ANKRD62: variants seen among roughly 807,000 people sequenced by gnomAD.
The protein encoded by ANKRD62 is ankyrin repeat domain-containing protein 62.
In ANKRD62, 61 loss-of-function variants were observed where a neutral mutation model predicts 98.8. The ratio of observed to expected loss-of-function variants is 0.62; its 90% confidence interval spans 0.50 to 0.76. The LOEUF (loss-of-function observed/expected upper bound fraction) is 0.76, where lower values mean the gene tolerates loss of function less well. Ranked by LOEUF, ANKRD62 falls within the 30% of genes least tolerant of loss-of-function variation. The probability of loss-of-function intolerance (pLI) is 0.00; values close to 1 mark genes in which losing one functional copy is unlikely to be tolerated. For missense variants in ANKRD62, 933 were observed against 1,082.9 expected (o/e 0.86, Z 1.94); for synonymous variants, 341 against 367.9 (o/e 0.93, Z 0.84).
chr18:12,103,847 C>T (rs891546719), intron 7 of ANKRD62, among the ~76,000 whole-genome samples: 2 of 152,042 alleles, frequency 1.3e-5, no homozygotes, highest in Non-Finnish European at 2.9e-5. Context: ...TTTTTAAAAT[C>T]AACTGTCATT....
intron 5 of ANKRD62, among the ~76,000 whole-genome samples, 168 bp from the exon 6 acceptor site, chr18:12,099,444 TTTC>T: frequency 6.6e-6 from 1 of 152,308 alleles, no homozygotes; most frequent in African/African-American, 2.4e-5. Flanking sequence ...TTCATACTTT[TTTC>T]TTCTTTAATT....
the ANKRD62 span, among the ~76,000 whole-genome samples, chr18:12,145,694 AG>A: frequency 6.6e-6 from 1 of 152,182 alleles, no homozygotes; most frequent in African/African-American, 2.4e-5. Flanking sequence ...GGGCTCCCAG[AG>A]GGAGAGGCGG....
intron 8 of ANKRD62, among the ~76,000 whole-genome samples, chr18:12,111,695 A>G (rs1357490455): frequency 6.6e-6 from 1 of 152,216 alleles, no homozygotes; most frequent in Non-Finnish European, 1.5e-5. Flanking sequence ...AAGCTGATAC[A>G]ACTTGAGGAA....
intron 7 of ANKRD62, among the ~76,000 whole-genome samples, chr18:12,107,053 G>T (rs571763901): frequency 1.5e-3 from 228 of 152,146 alleles, no homozygotes; most frequent in African/African-American, 5.4e-3. Context: ...AATTTGGAAT[G>T]GGCCCATTTT....
At chr18:12,105,401 G>T (rs150818661) in intron 7 of ANKRD62, among the ~76,000 whole-genome samples, 1 of 152,128 alleles carries the variant, frequency 6.6e-6, no homozygotes, top group South Asian at 2.1e-4. Flanking sequence ...AATGAGGCAC[G>T]CATATTACAA....
chr18:12,113,120 C>G (rs1341467976), intron 8 of ANKRD62, among the ~76,000 whole-genome samples: 1 of 152,050 alleles, frequency 6.6e-6, no homozygotes, highest in Non-Finnish European at 1.5e-5. Flanking sequence ...GTCTCGAACT[C>G]CTGACCTCAG....
the ANKRD62 span, among the ~76,000 whole-genome samples, chr18:12,151,808 G>C: frequency 6.6e-6 from 1 of 151,996 alleles, no homozygotes; most frequent in Non-Finnish European, 1.5e-5. Flanking sequence ...TAATAAGATA[G>C]ATAGACCACT....
intron 7 of ANKRD62, among the ~76,000 whole-genome samples, chr18:12,104,392 A>G (rs1325491784): frequency 6.6e-6 from 1 of 152,106 alleles, no homozygotes; most frequent in Non-Finnish European, 1.5e-5. Flanking sequence ...CCTGACAGAA[A>G]AGACATCTGA....
the ANKRD62 span, among the ~76,000 whole-genome samples, chr18:12,170,940 C>G: frequency 4.2e-4 from 58 of 138,646 alleles, no homozygotes; most frequent in East Asian, 9.9e-3. Context: ...TTATCAGAGA[C>G]TAGGATTGCA....
chr18:12,160,288 ATGTG>A, the ANKRD62 span, among the ~76,000 whole-genome samples: 10 of 152,210 alleles, frequency 6.6e-5, no homozygotes, highest in Middle Eastern at 3.4e-3. Context: ...TTCTTAAACA[ATGTG>A]TGTGTGTGCA....
chr18:12,155,599 G>A, the ANKRD62 span, among the ~76,000 whole-genome samples: 1 of 152,196 alleles, frequency 6.6e-6, no homozygotes, highest in African/African-American at 2.4e-5. Context: ...ATCTGAGCCA[G>A]GCCTAGGTGT....
intron 3 of ANKRD62, 78 bp from the exon 4 acceptor site, chr18:12,096,118 G>A (rs1164059762): frequency 1.0e-6 from 1 of 958,478 alleles, no homozygotes; most frequent in Admixed American, 2.7e-5. Context: ...AAGTTCATAG[G>A]ATCTTAACAT....
At position 12,124,236 on chromosome 18, in the gene ANKRD62, A is replaced by G. The variant is rs1261367244; in HGVS notation, c.1554A>G (p.Thr518=). ...ELKIMEEQYR[T]QTEVKKQSKL... The stretch of plus-strand genomic sequence containing the variant: ...AAATAATGGAAGAGCAATATAGGAC[A>G]CAAACTGAAGTGAAAAAACAATCTA... Residue 518 remains threonine (T), a synonymous_variant, in exon 12 of 14, where the codon ACA becomes ACG. Transcript: ENST00000587848. 10 of 1,412,834 alleles carry G rather than the reference A, an allele frequency of 7.1e-6. No individual in the cohort carries two copies. The East Asian group carries it at 2.3e-4, about 32-fold the overall frequency. 87.5% of individuals were successfully genotyped at this position (1,412,834 alleles called of 1,614,324 possible). A position where few individuals can be genotyped will look rare whatever the true frequency, so the allele number is the denominator to read the frequency against.
At chr18:12,141,590 A>C in the ANKRD62 span, among the ~76,000 whole-genome samples, 2 of 132,852 alleles carry the variant, frequency 1.5e-5, no homozygotes, top group African/African-American at 2.9e-5. Flanking sequence ...TGCATTAGGT[A>C]TTGCCATCTT....
chr18:12,138,557 T>G, the ANKRD62 span, among the ~76,000 whole-genome samples: 1 of 152,190 alleles, frequency 6.6e-6, no homozygotes, highest in African/African-American at 2.4e-5. Flanking sequence ...AGATGTCTAT[T>G]AGGTCCACTT....
intron 6 of ANKRD62, among the ~76,000 whole-genome samples, 200 bp from the exon 7 acceptor site, chr18:12,102,958 T>C (rs1223308076): frequency 1.3e-5 from 2 of 152,192 alleles, no homozygotes; most frequent in Non-Finnish European, 2.9e-5. Flanking sequence ...ACATCTGGTG[T>C]CTTGCCAAGT....
chr18:12,132,896 C>A (rs1910026994), downstream of ANKRD62, among the ~76,000 whole-genome samples: 1 of 152,002 alleles, frequency 6.6e-6, no homozygotes, highest in Non-Finnish European at 1.5e-5. Flanking sequence ...TTTGTCAATT[C>A]TTTTTGAAAG....
chr18:12,158,829 C>T, the ANKRD62 span, among the ~76,000 whole-genome samples: 7 of 152,056 alleles, frequency 4.6e-5, no homozygotes, highest in Non-Finnish European at 7.3e-5. Context: ...CCACCGCGCC[C>T]GGCCAGAAAT....
chr18:12,126,452 G>C, intron 13 of ANKRD62, 69 bp downstream of exon 13: 1 of 1,204,190 alleles, frequency 8.3e-7, no homozygotes. Context: ...TTTGGTTATG[G>C]CTAAACACTG....
Sources: allele counts gnomAD v4.1 joint callset (sites outside exome capture counted in the v4.1 genomes callset), GRCh38; gene constraint gnomAD v4.1.1; transcripts MANE v1.5; gene names NCBI Gene and HGNC (gene_info 2026-07-23, HGNC 2026-07-21).